Variants in APC observed in about 807,000 individuals in gnomAD.
The protein encoded by APC is adenomatous polyposis coli protein.
APC carries 72 observed loss-of-function variants against 247.0 expected under a neutral mutation model. That is an observed-to-expected ratio of 0.29 (90% CI 0.24 to 0.35). APC has a LOEUF of 0.35. APC is among the 10% of genes least tolerant of loss of function. The probability of loss-of-function intolerance (pLI) is 1.00; values close to 1 mark genes in which losing one functional copy is unlikely to be tolerated. For synonymous variants in APC, 1,254 were observed against 1,162.5 expected (o/e 1.08, Z -1.60); for missense variants, 3,400 against 3,360.7 (o/e 1.01, Z -0.29).
intron 6 of APC, among the ~76,000 whole-genome samples, chr5:112,789,751 C>G (rs1438929119): frequency 1.3e-5 from 2 of 152,136 alleles, no homozygotes; most frequent in African/African-American, 2.4e-5. Flanking sequence ...TGGAAATGAT[C>G]ACTCATCTTT....
rs1766060950 is a variant in APC, at chr5:112,841,428, C to T, written c.5834C>T (p.Ala1945Val). 6.2e-7 allele frequency: 1 copy of T among 1,613,890 alleles called. No homozygotes were observed. Among genetic ancestry groups the T allele is most frequent in the South Asian group, 1.1e-5 (1 of 91,084 alleles). The change falls in exon 16 of 16, where the codon GCA becomes GTA. Residue 1945 changes from alanine to valine, a missense_variant. Physicochemically the swap from Ala to Val is moderately conservative, Grantham distance 64. This residue lies in a region of APC where 1,788 missense variants were observed against 1,649.5 expected (regional missense o/e 1.08). Transcript: ENST00000257430. This position sits in a 1 kb window ranked among gnomAD's most constrained non-coding sequence, Gnocchi z 4.6. Reference protein sequence around the residue: ...QSSKDIPDRGAATDEKLQNFA... With the variant: ...QSSKDIPDRGVATDEKLQNFA... ...TCCAAAGACATACCAGACAGAGGGG[C>T]AGCAACTGATGAAAAGTTACAGAAT...
chr5:112,810,210 GGAGA>G (rs1311416138), intron 8 of APC: 6 of 452,324 alleles, frequency 1.3e-5, no homozygotes, highest in East Asian at 1.4e-4. Flanking sequence ...AAAGAGAAAT[GGAGA>G]GAGAAAGGAT....
chr5:112,740,360 A>G (rs1018035479), intron 1 of APC, among the ~76,000 whole-genome samples: 3 of 152,124 alleles, frequency 2.0e-5, no homozygotes, highest in Non-Finnish European at 4.4e-5. Context: ...CTTGTAGTAT[A>G]TCTAATCTAT....
In APC at chr5:112,838,887, G is replaced by A. The variant is rs1561583695; in HGVS notation, c.3293G>A (p.Cys1098Tyr). 1 of 1,614,156 alleles carries A rather than the reference G, an allele frequency of 6.2e-7. No individual in the cohort carries two copies. The highest frequency in any genetic ancestry group is 8.5e-7 in the Non-Finnish European group (1 of 1,180,044). ...KFQPHFGQQE[C>Y]VSPYRSRGAN... is the part of the protein sequence containing the mutation. The stretch of plus-strand genomic sequence containing the variant: ...CAACCACATTTTGGACAGCAGGAAT[G>A]TGTTTCTCCATACAGGTCACGGGGA... The change falls in exon 16 of 16, where the codon TGT becomes TAT. Residue 1098 changes from cysteine (C) to tyrosine (Y), a missense_variant. Physicochemically the swap from Cys to Tyr is radical, Grantham distance 194. Transcript: ENST00000257430.
In APC at chr5:112,845,879, G is replaced by A. The variant is rs397768; in HGVS notation, c.*1753G>A. On this transcript the variant is annotated 3_prime_UTR_variant, in exon 16 of 16. Coordinates refer to ENST00000257430, the MANE Select transcript of APC (RefSeq NM_000038.6). Reference sequence around the variant, plus strand: ...ATTCATACACTCTGTATTTGGGGAGGGAAAACCTTTTTAAGCATGGTGGGG... The same window carrying A: ...ATTCATACACTCTGTATTTGGGGAGAGAAAACCTTTTTAAGCATGGTGGGG... 148,495 of 231,790 alleles carry A rather than the reference G, an allele frequency of 0.64. 48,105 individuals carry two copies. Among genetic ancestry groups the A allele is most frequent in the East Asian group, 0.84 (13,748 of 16,378 alleles). 14.4% of individuals were successfully genotyped at this position (231,790 alleles called of 1,614,324 possible). A position where few individuals can be genotyped will look rare whatever the true frequency, so the allele number is the denominator to read the frequency against.
Position 112,841,296 on chromosome 5 carries a change from C to A in APC, c.5702C>A (p.Thr1901Asn), listed in dbSNP as rs72541814. 6.2e-7 allele frequency: 1 copy of A among 1,613,900 alleles called. No homozygotes were observed. ...EAKVTSHTELTSNQQSANKTQ... is the reference protein window; with the variant it reads ...EAKVTSHTELNSNQQSANKTQ... ...AAAGTTACCAGCCACACAGAACTAA[C>A]CTCCAACCAACAATCAGCTAATAAG... Residue 1901 changes from threonine (T) to asparagine (N), a missense_variant, in exon 16 of 16, where the codon ACC (threonine) becomes AAC (asparagine). Transcript: ENST00000257430. This position sits in a 1 kb window ranked among gnomAD's most constrained non-coding sequence, Gnocchi z 4.6.
intron 2 of APC, among the ~76,000 whole-genome samples, chr5:112,763,547 T>C (rs1391868928): frequency 6.6e-6 from 1 of 152,124 alleles, no homozygotes; most frequent in Admixed American, 6.5e-5. Flanking sequence ...TTATTTCTTT[T>C]TAAAAAGACC....
intron 2 of APC, among the ~76,000 whole-genome samples, chr5:112,765,037 G>A (rs1334255097): frequency 6.6e-6 from 1 of 152,140 alleles, no homozygotes; most frequent in African/African-American, 2.4e-5. Flanking sequence ...CTCCAACATA[G>A]TCTATTATTT....
At chr5:112,779,376 G>A (rs577554226) in intron 5 of APC, among the ~76,000 whole-genome samples, 15 of 152,180 alleles carry the variant, frequency 9.9e-5, no homozygotes, top group African/African-American at 3.4e-4. Context: ...AAGAGTATTT[G>A]GTTACTATCT....
At chr5:112,818,322 A>C (rs979402214) in intron 9 of APC, among the ~76,000 whole-genome samples, 1 of 152,350 alleles carries the variant, frequency 6.6e-6, no homozygotes, top group East Asian at 1.9e-4. Context: ...ATTTATTGTC[A>C]GAGAGTAATT....
chr5:112,753,079 A>T (rs569591224), intron 1 of APC, among the ~76,000 whole-genome samples: 92 of 151,936 alleles, frequency 6.1e-4, no homozygotes, highest in South Asian at 3.5e-3. Flanking sequence ...TATTATTTTG[A>T]TGTAAAATTA....
At chr5:112,815,399 A>T in intron 8 of APC, 96 bp from the exon 9 acceptor site, 2 of 859,968 alleles carry the variant, frequency 2.3e-6, no homozygotes, top group Non-Finnish European at 3.9e-6. Flanking sequence ...TTAATTGTTT[A>T]TCATACAGAC....
At chr5:112,834,107 T>C (rs1764603944) in intron 14 of APC, among the ~76,000 whole-genome samples, 1 of 150,754 alleles carries the variant, frequency 6.6e-6, no homozygotes, top group Non-Finnish European at 1.5e-5. Context: ...CCCAGCTCAT[T>C]TTTTTTTTAT....
At chr5:112,742,664 C>T (rs1369484221) in intron 1 of APC, among the ~76,000 whole-genome samples, 2 of 152,178 alleles carry the variant, frequency 1.3e-5, no homozygotes, top group East Asian at 3.8e-4. Context: ...CATGACATAG[C>T]AGCTGGCTTC....
chr5:112,712,686 A>C (rs1750926210), intron 1 of APC, among the ~76,000 whole-genome samples: 2 of 151,840 alleles, frequency 1.3e-5, no homozygotes, highest in African/African-American at 4.8e-5. Context: ...CACTGCACCC[A>C]GCAGCATGTG....
At chr5:112,764,311 G>C (rs73218106) in intron 2 of APC, among the ~76,000 whole-genome samples, 1 of 151,596 alleles carries the variant, frequency 6.6e-6, no homozygotes, top group Non-Finnish European at 1.5e-5. Context: ...TGACAGCTCT[G>C]TGCAAGGTTG....
At position 112,843,685 on chromosome 5, in the gene APC, A is replaced by G. The variant is rs2149999087; in HGVS notation, c.8091A>G (p.Ser2697=). 1.2e-6 allele frequency: 2 copies of G among 1,614,078 alleles called. No homozygotes were observed. Among genetic ancestry groups the G allele is most frequent in the Non-Finnish European group, 1.7e-6 (2 of 1,179,934 alleles). The part of the protein sequence containing the change: ...SEKANPNIKD[S]KDNQAKQNVG... ...AGGCAAATCCAAACATTAAAGATTC[A>G]AAAGATAATCAGGCAAAACAAAATG... is the stretch of plus-strand genomic sequence containing the variant. Residue 2697 remains serine (S), a synonymous_variant, in exon 16 of 16, where the codon TCA becomes TCG. Coordinates refer to ENST00000257430, the MANE Select transcript of APC (RefSeq NM_000038.6). This position sits in a 1 kb window ranked among gnomAD's most constrained non-coding sequence, Gnocchi z 4.8.
rs554847294 is a variant in APC, at chr5:112,758,382, A to T, written c.135+3357A>T. On this transcript the variant is annotated intron_variant, in intron 2 of 15. Coordinates refer to ENST00000257430, the MANE Select transcript of APC (RefSeq NM_000038.6). Reference sequence around the variant, plus strand: ...CACTGTCGCCTGGGCTCTGGTGTGCAGTGGGGCAATCTCGGCTTGCTGCAG... The same window carrying T: ...CACTGTCGCCTGGGCTCTGGTGTGCTGTGGGGCAATCTCGGCTTGCTGCAG... 3.6e-4 allele frequency among the ~76,000 whole-genome samples: 55 copies of T among 152,208 alleles called. No individual in the cohort carries two copies. In the East Asian group the frequency reaches 0.01, roughly 28 times the overall value.
chr5:112,812,809 A>G (rs1762122735), intron 8 of APC, among the ~76,000 whole-genome samples: 1 of 152,244 alleles, frequency 6.6e-6, no homozygotes, highest in Non-Finnish European at 1.5e-5. Flanking sequence ...CCTGGAAAGT[A>G]GCAGGGGCTC....
Sources: gnomAD v4.1 joint callset for allele counts (sites outside exome capture counted in the v4.1 genomes callset) on GRCh38, gnomAD v4.1.1 for gene constraint, gnomAD v4.1.1 regional missense constraint, Gnocchi (gnomAD v3.1) non-coding constraint, MANE v1.5 for transcripts, NCBI Gene and HGNC (gene_info 2026-07-23, HGNC 2026-07-21) for gene names.